The following SIGLEC9 variants were observed in gnomAD, a reference collection of about 807,000 sequenced individuals.
The protein encoded by SIGLEC9 is sialic acid-binding Ig-like lectin 9.
SIGLEC9 carries 26 observed loss-of-function variants against 38.3 expected under a neutral mutation model. The observed-to-expected ratio is 0.68, with a 90% CI of 0.50 to 0.94. The LOEUF (loss-of-function observed/expected upper bound fraction) is 0.94, where lower values mean the gene tolerates loss of function less well. SIGLEC9 is among the 40% of genes least tolerant of loss of function. The pLI is 0.00. For synonymous variants in SIGLEC9, 236 were observed against 248.0 expected (o/e 0.95, Z 0.45); for missense variants, 556 against 585.7 (o/e 0.95, Z 0.52).
chr19:51,131,633 G>A (rs1049403780), downstream of SIGLEC9, among the ~76,000 whole-genome samples: 2 of 150,648 alleles, frequency 1.3e-5, no homozygotes, highest in Admixed American at 6.6e-5. Flanking sequence ...AATCATATCC[G>A]AGCTGGGCGT....
chr19:51,136,234 T>C (rs1260061208), exon 7 of SIGLEC9: 2 of 697,992 alleles, frequency 2.9e-6, no homozygotes, highest in African/African-American at 3.5e-5. Context: ...GTTCTTTGGA[T>C]AGGGCTCTTT....
chr19:51,126,198 C>A, intron 3 of SIGLEC9, 70 bp downstream of exon 3: 1 of 1,449,740 alleles, frequency 6.9e-7, no homozygotes, highest in Non-Finnish European at 9.7e-7. Context: ...TGGCTTATTC[C>A]TCAACCTGGA....
rs58955328 is a variant in SIGLEC9, at chr19:51,129,189, T to G, written c.1203+679T>G. Among the ~76,000 whole-genome samples the G allele has an allele frequency of 1.4e-5, 2 of 144,818 alleles. 1 individual carries two copies. Among genetic ancestry groups the G allele is most frequent in the Non-Finnish European group, 2.9e-5 (2 of 67,886 alleles). On this transcript the variant is annotated intron_variant, in intron 6 of 6. Transcript: ENST00000250360. ...TGTTGTTGTTTTTGAGACAGAGTCT[T>G]GCTCTGTCGCCCAGGCTGGAGTGCA...
At position 51,125,110 on chromosome 19, in the gene SIGLEC9, C is replaced by A; in HGVS notation, c.136C>A (p.Pro46Thr). ...CCATGTGCCCTGCTCCTTCTCCTAC[C>A]CCTCGCATGGCTGGATTTACCCTGG... ...CVHVPCSFSY[P>T]SHGWIYPGPV... The change falls in exon 1 of 7, where the codon CCC becomes ACC. Residue 46 changes from proline to threonine, a missense_variant. Pro to Thr is a conservative substitution (Grantham distance 38, BLOSUM62 -1). Transcript: ENST00000250360. 1 of 1,614,028 alleles carries A rather than the reference C, an allele frequency of 6.2e-7. No homozygotes were observed.
intron 6 of SIGLEC9, 103 bp downstream of exon 6, chr19:51,128,613 C>G (rs1599819172): frequency 1.0e-6 from 1 of 966,616 alleles, no homozygotes; most frequent in Non-Finnish European, 1.6e-6. Flanking sequence ...TACCTCCTCT[C>G]TGTTCTTCCT....
In SIGLEC9 at chr19:51,125,095, T is replaced by C; in HGVS notation, c.121T>C (p.Cys41Arg). Residue 41 changes from cysteine (C) to arginine (R), a missense_variant, in exon 1 of 7, where the codon TGC (cysteine) becomes CGC (arginine). Transcript: ENST00000250360. ...GGAAGGCCTGTGTGTCCATGTGCCCTGCTCCTTCTCCTACCCCTCGCATGG... is the reference window on the plus strand; with the variant it reads ...GGAAGGCCTGTGTGTCCATGTGCCCCGCTCCTTCTCCTACCCCTCGCATGG... ...VQEGLCVHVPCSFSYPSHGWI... is the reference protein window; with the variant it reads ...VQEGLCVHVPRSFSYPSHGWI... 6.2e-7 allele frequency: 1 copy of C among 1,614,092 alleles called. No homozygotes were observed. Among genetic ancestry groups the C allele is most frequent in the Non-Finnish European group, 8.5e-7 (1 of 1,180,010 alleles).
chr19:51,121,193 T>C (rs147024037), upstream of SIGLEC9, among the ~76,000 whole-genome samples: 102 of 152,240 alleles, frequency 6.7e-4, no homozygotes, highest in Middle Eastern at 0.017. Flanking sequence ...TCTCGCTCTG[T>C]CACCCAGGCT....
At chr19:51,121,414 C>G (rs1398765827), upstream of SIGLEC9, among the ~76,000 whole-genome samples, 1 of 151,976 alleles carries the variant, frequency 6.6e-6, no homozygotes, top group African/African-American at 2.4e-5. Context: ...CTCTCTTCCC[C>G]CATTTACCCC....
rs567756875 is a variant in SIGLEC9 at position 51,125,734 on chromosome 19, C to G, written c.559C>G (p.Pro187Ala). ...CTCCTGGATAGGGACCTCCGTGTCC[C>G]CCCTGGACCCCTCCACCACCCGCTC... ...MISWIGTSVSPLDPSTTRSSV... is the reference protein window; with the variant it reads ...MISWIGTSVSALDPSTTRSSV... Residue 187 changes from proline (P) to alanine (A), a missense_variant, in exon 2 of 7, where the codon CCC (proline) becomes GCC (alanine). Pro to Ala is a conservative substitution (Grantham distance 27). Coordinates refer to ENST00000250360, the MANE Select transcript of SIGLEC9 (RefSeq NM_014441.3). 1 of 1,613,936 alleles carries G rather than the reference C, an allele frequency of 6.2e-7. No homozygotes were observed. Among genetic ancestry groups the G allele is most frequent in the African/African-American group, 1.3e-5 (1 of 74,898 alleles).
chr19:51,130,282 T>G lies in SIGLEC9; in HGVS notation c.*203T>G, dbSNP rs760407236. 15 of 1,069,202 alleles carry G rather than the reference T, an allele frequency of 1.4e-5. No individual in the cohort carries two copies. Among genetic ancestry groups the G allele is most frequent in the Non-Finnish European group, 1.8e-5 (15 of 822,002 alleles). The allele number at this position is 1,069,202 out of a possible 1,614,324, so 66.2% of individuals were successfully genotyped here. On this transcript the variant is annotated 3_prime_UTR_variant, in exon 7 of 7. Coordinates refer to ENST00000250360, the MANE Select transcript of SIGLEC9 (RefSeq NM_014441.3). ...TCCACACTGTGCCCTCCCTTTTATT[T>G]TTTTAACTAAAAGACAGACAAATTC... is the stretch of plus-strand genomic sequence containing the variant.
downstream of SIGLEC9, among the ~76,000 whole-genome samples, chr19:51,133,782 A>G (rs2092029281): frequency 6.6e-6 from 1 of 152,192 alleles, no homozygotes; most frequent in Non-Finnish European, 1.5e-5. Context: ...ACATGTGGCT[A>G]CTGAGCACTT....
At chr19:51,121,537 G>T (rs1189918486), upstream of SIGLEC9, among the ~76,000 whole-genome samples, 1 of 150,436 alleles carries the variant, frequency 6.6e-6, no homozygotes, top group African/African-American at 2.5e-5. Flanking sequence ...TGCCCTCCTT[G>T]CTTAGTCCCC....
chr19:51,129,363 G>A (rs1241154815), intron 6 of SIGLEC9, among the ~76,000 whole-genome samples: 3 of 151,870 alleles, frequency 2.0e-5, no homozygotes, highest in South Asian at 2.1e-4. Flanking sequence ...GTTTCACTGT[G>A]TTAGCCAGGA....
chr19:51,125,913 G>T, intron 2 of SIGLEC9, 38 bp downstream of exon 2: 1 of 1,613,012 alleles, frequency 6.2e-7, no homozygotes, highest in Non-Finnish European at 8.5e-7. Context: ...CCCTGATGGG[G>T]TGAGCGTCAA....
At chr19:51,128,133 ATGGGTCAAGAGCT>A (rs2091991195) in intron 5 of SIGLEC9, 94 bp downstream of exon 5, 2 of 1,038,690 alleles carry the variant, frequency 1.9e-6, no homozygotes, top group African/African-American at 3.2e-5. Flanking sequence ...AGGGACCTGG[ATGGGTCAAGAGCT>A]TGGGGCAAGA....
At chr19:51,124,869 CT>C, upstream of SIGLEC9, 2 of 1,444,984 alleles carry the variant, frequency 1.4e-6, no homozygotes, top group East Asian at 2.3e-5. Flanking sequence ...GACCTCGCCC[CT>C]GTCTTCCTGT....
intron 6 of SIGLEC9, among the ~76,000 whole-genome samples, chr19:51,135,501 T>C (rs1021438379): frequency 5.9e-5 from 9 of 152,194 alleles, no homozygotes; most frequent in Non-Finnish European, 1.2e-4. Flanking sequence ...TTTAGCTGCA[T>C]TGAATATTTT....
In SIGLEC9 at chr19:51,124,995, C is replaced by T; in HGVS notation, c.21C>T (p.Pro7=). The change falls in exon 1 of 7, where the codon CCC becomes CCT. Residue 7 remains proline (P), a synonymous_variant. Coordinates refer to ENST00000250360, the MANE Select transcript of SIGLEC9 (RefSeq NM_014441.3). MLLLLL[P]LLWGRERAEG... is the part of the protein sequence containing the mutation. ...CAGACATGCTGCTGCTGCTGCTGCCCCTGCTCTGGGGGAGGGAGAGGGCGG... is the reference window on the plus strand; with the variant it reads ...CAGACATGCTGCTGCTGCTGCTGCCTCTGCTCTGGGGGAGGGAGAGGGCGG... 6.2e-7 allele frequency: 1 copy of T among 1,608,928 alleles called. No individual in the cohort carries two copies.
At chr19:51,135,781 T>G (rs1034679931) in intron 6 of SIGLEC9, among the ~76,000 whole-genome samples, 2 of 152,134 alleles carry the variant, frequency 1.3e-5, no homozygotes, top group Non-Finnish European at 2.9e-5. Context: ...TTAATTCTTT[T>G]TTTAAAAATT....
Sources: gnomAD v4.1 joint callset for allele counts (sites outside exome capture counted in the v4.1 genomes callset) on GRCh38, gnomAD v4.1.1 for gene constraint, MANE v1.5 for transcripts, NCBI Gene and HGNC (gene_info 2026-07-23, HGNC 2026-07-21) for gene names.